RP1L1: variants seen among roughly 807,000 people sequenced by gnomAD.
The protein encoded by RP1L1 is retinitis pigmentosa 1-like 1 protein.
Under a neutral mutation model 15.7 loss-of-function variants are expected in RP1L1, and 27 were observed. The ratio of observed to expected loss-of-function variants is 1.72; its 90% CI spans 1.27 to 2.38. The LOEUF (loss-of-function observed/expected upper bound fraction) is 2.38, where lower values mean the gene tolerates loss of function less well. Ranked by LOEUF, RP1L1 falls within the 30% of genes most tolerant of loss-of-function variation. The probability of loss-of-function intolerance (pLI) is 0.00; values close to 1 mark genes in which losing one functional copy is unlikely to be tolerated. For missense variants in RP1L1, 4,798 were observed against 3,075.9 expected, an observed-to-expected ratio of 1.56 and a Z score of -13.24; for synonymous variants, 1,813 against 1,276.7, an observed-to-expected ratio of 1.42 and a Z score of -8.96.
chr8:10,610,992 G>T lies in RP1L1; in HGVS notation c.3106C>A (p.Pro1036Thr). Residue 1036 changes from proline to threonine, a missense_variant, in exon 4 of 4, where the codon CCC becomes ACC. Coordinates refer to ENST00000382483, the MANE Select transcript of RP1L1 (RefSeq NM_178857.6). The part of the protein sequence containing the change: ...GALLGSSDTG[P>T]QSGEGVPQGA... ...TGGGGGACACCCTCTCCTGATTGGG[G>T]ACCAGTGTCACTACTCCCCAGGAGG... The T allele has an allele frequency of 1.2e-6, 2 of 1,612,634 alleles. No homozygotes were observed. Among genetic ancestry groups the T allele is most frequent in the South Asian group, 2.2e-5 (2 of 91,076 alleles).
rs1183533754 is a variant in RP1L1 at position 10,612,473 on chromosome 8, T to C, written c.1625A>G (p.His542Arg). 2 of 1,612,562 alleles carry C rather than the reference T, an allele frequency of 1.2e-6. No homozygotes were observed. The highest frequency in any genetic ancestry group is 2.2e-5 in the East Asian group (1 of 44,892). ...SSDSSASTGS[H>R]EGSSEWGGRP... ...CCCACCCCATTCGCTGGATCCCTCA[T>C]GAGAGCCGGTGCTGGCTGACGAGTC... Residue 542 changes from histidine to arginine, a missense_variant, in exon 4 of 4, where the codon CAT becomes CGT. Physicochemically the swap from His to Arg is conservative, Grantham distance 29. Coordinates refer to ENST00000382483, the MANE Select transcript of RP1L1 (RefSeq NM_178857.6).
intron 1 of RP1L1, among the ~76,000 whole-genome samples, chr8:10,648,735 G>A (rs1243121836): frequency 6.6e-6 from 1 of 152,214 alleles, no homozygotes; most frequent in Non-Finnish European, 1.5e-5. Context: ...GTGGGCTTAA[G>A]ACCCTGACAG....
chr8:10,617,520 GT>G (rs1797987447), intron 2 of RP1L1, among the ~76,000 whole-genome samples: 2 of 90,724 alleles, frequency 2.2e-5, no homozygotes, highest in South Asian at 7.5e-4. Context: ...GTTTGTTTTT[GT>G]TTTTGTTTTT....
At chr8:10,614,488 C>T (rs1354234454) in intron 3 of RP1L1, among the ~76,000 whole-genome samples, 1 of 151,862 alleles carries the variant, frequency 6.6e-6, no homozygotes, top group African/African-American at 2.4e-5. Context: ...GGGGAAACCC[C>T]ATCTCTACTA....
chr8:10,621,774 T>C (rs370576580), intron 2 of RP1L1: 1 of 505,638 alleles, frequency 2.0e-6, no homozygotes, highest in Non-Finnish European at 4.0e-6. Flanking sequence ...CGGCAGAACC[T>C]GGAAAGGCAA....
At chr8:10,617,546 C>CTGTTTTTTTTTTTTTTT (rs1554453571) in intron 2 of RP1L1, among the ~76,000 whole-genome samples, 1 of 63,388 alleles carries the variant, frequency 1.6e-5, no homozygotes, top group African/African-American at 6.2e-5. Flanking sequence ...GTTTCTTTTT[C>CTGTTTTTTTTTTTTTTT]TTTTTTTTTT....
intron 2 of RP1L1, among the ~76,000 whole-genome samples, chr8:10,620,296 A>G (rs968756225): frequency 6.6e-6 from 1 of 152,132 alleles, no homozygotes; most frequent in African/African-American, 2.4e-5. Flanking sequence ...CCAAGGGAGA[A>G]TGTTCCCCCT....
At chr8:10,650,615 G>C (rs532601009) in intron 1 of RP1L1, among the ~76,000 whole-genome samples, 1 of 151,426 alleles carries the variant, frequency 6.6e-6, no homozygotes, top group Admixed American at 6.6e-5. Flanking sequence ...GGAGTGCAGT[G>C]GTGCGATCTC....
intron 1 of RP1L1, among the ~76,000 whole-genome samples, chr8:10,652,761 G>A (rs1447269748): frequency 4.6e-5 from 7 of 151,854 alleles, no homozygotes; most frequent in South Asian, 4.2e-4. Flanking sequence ...CTGAGCCCAC[G>A]TCCCCCCTGA....
Position 10,611,406 on chromosome 8 carries a change from T to C in RP1L1, c.2692A>G (p.Thr898Ala). The C allele has an allele frequency of 6.3e-7, 1 of 1,598,240 alleles. No homozygotes were observed. Reference protein sequence around the residue: ...PQEGTRQPGPTPSPGPNSGAS... With the variant: ...PQEGTRQPGPAPSPGPNSGAS... ...CCTGAATTGGGGCCTGGGGACGGCGTGGGGCCTGGCTGGCGTGTCCCCTCC... is the reference window on the plus strand; with the variant it reads ...CCTGAATTGGGGCCTGGGGACGGCGCGGGGCCTGGCTGGCGTGTCCCCTCC... Residue 898 changes from threonine (T) to alanine (A), a missense_variant, in exon 4 of 4, where the codon ACG becomes GCG. Physicochemically the swap from Thr to Ala is moderately conservative, Grantham distance 58 (BLOSUM62 0). Transcript: ENST00000382483.
At chr8:10,651,521 G>C (rs1024206017) in intron 1 of RP1L1, among the ~76,000 whole-genome samples, 1 of 152,176 alleles carries the variant, frequency 6.6e-6, no homozygotes, top group Non-Finnish European at 1.5e-5. Flanking sequence ...GGGTTCAAGA[G>C]ATTGAGACCA....
Position 10,608,841 on chromosome 8 carries a change from T to A in RP1L1, c.5257A>T (p.Asn1753Tyr). ...GEDGEGSQRL[N>Y]RDKDPKLGEA... ...CCGAGTTTGGGATCTTTGTCTCTGT[T>A]GAGTCTCTGGCTCCCCTCGCCATCC... The change falls in exon 4 of 4, where the codon AAC becomes TAC. Residue 1753 changes from asparagine (N) to tyrosine (Y), a missense_variant. Coordinates refer to ENST00000382483, the MANE Select transcript of RP1L1 (RefSeq NM_178857.6). The A allele has an allele frequency of 1.2e-6, 2 of 1,614,136 alleles. No homozygotes were observed. Among genetic ancestry groups the A allele is most frequent in the East Asian group, 4.5e-5 (2 of 44,882 alleles).
chr8:10,611,833 G>A lies in RP1L1; in HGVS notation c.2265C>T (p.His755=). 6.2e-7 allele frequency: 1 copy of A among 1,613,724 alleles called. No individual in the cohort carries two copies. Among genetic ancestry groups the A allele is most frequent in the Non-Finnish European group, 8.5e-7 (1 of 1,180,030 alleles). ...HSDFVSGVSP[H]NAPSAGWAGD... ...CTGCCCACCCGGCAGAGGGAGCGTT[G>A]TGCGGGGAGACTCCAGAAACAAAAT... Residue 755 remains histidine, a synonymous_variant, in exon 4 of 4, where the codon CAC becomes CAT. Transcript: ENST00000382483.
intron 1 of RP1L1, among the ~76,000 whole-genome samples, chr8:10,646,536 C>T (rs1467119955): frequency 2.0e-5 from 3 of 152,142 alleles, no homozygotes; most frequent in African/African-American, 7.2e-5. Context: ...CAGGGAATTC[C>T]AGGTCCCCAG....
At chr8:10,641,015 C>T (rs1169000456) in intron 1 of RP1L1, among the ~76,000 whole-genome samples, 1 of 152,198 alleles carries the variant, frequency 6.6e-6, no homozygotes, top group Admixed American at 6.5e-5. Context: ...AAGCAATCCT[C>T]TCGCCTCAGC....
In RP1L1 at chr8:10,607,268, G is replaced by T. The variant is rs1797720050; in HGVS notation, c.6830C>A (p.Pro2277His). The change falls in exon 4 of 4, where the codon CCC becomes CAC. Residue 2277 changes from proline to histidine, a missense_variant. By Grantham distance (77) the Pro-to-His change is moderately conservative. Transcript: ENST00000382483. ...TCCACCTGGGGAAGGGGGTGGAGTG[G>T]GCCTGTCCTCAGGGACTGGGCTGCT... ...ESSSPVPEDR[P>H]TPPPSPGGDT... The T allele has an allele frequency of 6.2e-7, 1 of 1,614,194 alleles. No homozygotes were observed. Among genetic ancestry groups the T allele is most frequent in the Admixed American group, 1.7e-5 (1 of 60,024 alleles).
intron 2 of RP1L1, chr8:10,621,638 T>C: frequency 2.2e-6 from 1 of 451,532 alleles, no homozygotes; most frequent in South Asian, 1.6e-5. Flanking sequence ...ATGATATTTA[T>C]GAAGTATTGG....
rs372793599 is a variant in RP1L1, at chr8:10,616,465, C to G, written c.732G>C (p.Leu244=). 3.1e-6 allele frequency: 5 copies of G among 1,614,228 alleles called. No homozygotes were observed. In the African/African-American group the frequency reaches 6.7e-5, roughly 22 times the overall value. ...RRSEAETLSG[L]TSRNKNGSWG... ...ACTCACCGTTTTTGTTTCTTGAAGTCAGCCCAGATAAAGTTTCAGCCTCGC... is the reference window on the plus strand; with the variant it reads ...ACTCACCGTTTTTGTTTCTTGAAGTGAGCCCAGATAAAGTTTCAGCCTCGC... The change falls in exon 3 of 4, where the codon CTG becomes CTC. Residue 244 remains leucine, a synonymous_variant. Transcript: ENST00000382483.
At chr8:10,622,213 C>G (rs556693232) in intron 2 of RP1L1, among the ~76,000 whole-genome samples, 1 of 151,724 alleles carries the variant, frequency 6.6e-6, no homozygotes, top group East Asian at 1.9e-4. Flanking sequence ...CCCAGCTACT[C>G]AGAGGCTGAG....
Sources: allele counts gnomAD v4.1 joint callset (sites outside exome capture counted in the v4.1 genomes callset), GRCh38; gene constraint gnomAD v4.1.1; transcripts MANE v1.5; gene names NCBI Gene and HGNC (gene_info 2026-07-23, HGNC 2026-07-21).